The following LIPE variants were observed in gnomAD, a reference collection of about 807,000 sequenced individuals.
The protein encoded by LIPE is lipase E, hormone sensitive type.
Under a neutral mutation model 88.5 loss-of-function variants are expected in LIPE, and 66 were observed. The observed-to-expected ratio is 0.75, with a 90% confidence interval of 0.61 to 0.91. The LOEUF (loss-of-function observed/expected upper bound fraction) is 0.91, where lower values mean the gene tolerates loss of function less well. LIPE is among the 40% of genes least tolerant of loss of function. The pLI, the probability that LIPE is intolerant of heterozygous loss-of-function variation, is 0.00. For synonymous variants in LIPE, 570 were observed against 617.5 expected (o/e 0.92, Z 1.14); for missense variants, 1,346 against 1,434.7 (o/e 0.94, Z 1.00).
chr19:42,408,564 G>GA lies in LIPE; in HGVS notation c.1420-243_1420-242insT. On this transcript the variant is annotated intron_variant, in intron 2 of 9. Coordinates refer to ENST00000244289, the MANE Select transcript of LIPE (RefSeq NM_005357.4). This position sits in a 1 kb window ranked among gnomAD's most constrained non-coding sequence, Gnocchi z 4.3. ...CATGACAAGGAATGACGAATGGTTT[G>GA]GAAAAAAAAAAAGGCAGTAGGTGGA... is the stretch of plus-strand genomic sequence containing the variant. 4.0e-6 allele frequency: 2 copies of GA among 498,586 alleles called. No homozygotes were observed. Among genetic ancestry groups the GA allele is most frequent in the South Asian group, 2.3e-5 (1 of 44,020 alleles). 30.9% of individuals were successfully genotyped at this position (498,586 alleles called of 1,614,324 possible). A position where few individuals can be genotyped will look rare whatever the true frequency, so the allele number is the denominator to read the frequency against.
intron 1 of LIPE, among the ~76,000 whole-genome samples, chr19:42,413,930 A>C (rs1027187355): frequency 1.3e-5 from 2 of 152,182 alleles, no homozygotes; most frequent in Non-Finnish European, 2.9e-5. Context: ...GGGCTGGCAG[A>C]CAGATGGATA....
chr19:42,405,268 G>A (rs1053042847), intron 8 of LIPE, 117 bp downstream of exon 8: 35 of 1,050,634 alleles, frequency 3.3e-5, no homozygotes, highest in Non-Finnish European at 4.6e-5. Context: ...GCCTCCCAAA[G>A]TGCTGGGATT....
intron 9 of LIPE, 27 bp from the exon 10 acceptor site, chr19:42,402,102 A>T: frequency 6.9e-7 from 1 of 1,451,518 alleles, no homozygotes; most frequent in Non-Finnish European, 9.1e-7. Context: ...AGGGACGTGG[A>T]GAGAGGGTGG....
chr19:42,426,039 C>T (rs1162518140), intron 1 of LIPE, among the ~76,000 whole-genome samples: 2 of 150,170 alleles, frequency 1.3e-5, no homozygotes, highest in African/African-American at 2.5e-5. Context: ...TGGCCTCAAG[C>T]AATCCATCTG....
intron 1 of LIPE, chr19:42,424,774 TAA>T: frequency 8.2e-6 from 3 of 366,230 alleles, no homozygotes; most frequent in South Asian, 6.0e-5. Context: ...GTTCCATAGA[TAA>T]AACTTGTATT....
intron 1 of LIPE, among the ~76,000 whole-genome samples, chr19:42,415,765 G>A (rs1035310763): frequency 6.6e-5 from 10 of 151,410 alleles, no homozygotes; most frequent in African/African-American, 1.2e-4. Flanking sequence ...AGCCGAGATC[G>A]CGCCACTGCA....
rs1231529110 is a variant in LIPE at position 42,403,445 on chromosome 19, G to GTTT, written c.2543-417_2543-415dup. Among the ~76,000 whole-genome samples, 425 of 148,186 alleles carry GTTT rather than the reference G, an allele frequency of 2.9e-3. 3 individuals carry two copies. The highest frequency in any genetic ancestry group is 0.01 in the African/African-American group (401 of 39,468). On this transcript the variant is annotated intron_variant, in intron 8 of 9. Transcript: ENST00000244289. ...TACCCACTGGGGATCATAATATATC[G>GTTT]TTTTTTGTTTTTTTTTTTTTGAGAC...
intron 1 of LIPE, chr19:42,423,785 A>AC: frequency 9.1e-7 from 1 of 1,104,238 alleles, no homozygotes; most frequent in South Asian, 2.1e-5. Flanking sequence ...CAAAAAGGCA[A>AC]CCCCGGGGGT....
rs148058163 is a variant in LIPE, at chr19:42,410,551, C to T, written c.1175G>A (p.Arg392His). 1,121 of 1,612,700 alleles carry T rather than the reference C, an allele frequency of 7.0e-4. No individual in the cohort carries two copies. Among genetic ancestry groups the T allele is most frequent in the Non-Finnish European group, 8.9e-4 (1,052 of 1,179,942 alleles). The change falls in exon 2 of 10, where the codon CGC becomes CAC. Residue 392 changes from arginine to histidine, a missense_variant. Physicochemically the swap from Arg to His is conservative, Grantham distance 29. Coordinates refer to ENST00000244289, the MANE Select transcript of LIPE (RefSeq NM_005357.4). The surrounding 1 kb of genome is among the most constrained non-coding windows in gnomAD (Gnocchi z 6.1). Reference sequence around the variant, plus strand: ...GCTGCGGCGGTTGGAGGCCACATAGCGGGATTTGTGCAGGAGGTGCGCCAG... The same window carrying T: ...GCTGCGGCGGTTGGAGGCCACATAGTGGGATTTGTGCAGGAGGTGCGCCAG... ...CCLAHLLHKS[R>H]YVASNRRSIF...
At chr19:42,411,224 C>T in intron 1 of LIPE, 1 of 814,878 alleles carries the variant, frequency 1.2e-6, no homozygotes, top group Non-Finnish European at 1.5e-6. Context: ...TGAATCCGGA[C>T]ATTCCCTGAG....
chr19:42,410,803 G>T lies in LIPE; in HGVS notation c.923C>A (p.Thr308Lys). The change falls in exon 2 of 10, where the codon ACA becomes AAA. Residue 308 changes from threonine to lysine, a missense_variant. Coordinates refer to ENST00000244289, the MANE Select transcript of LIPE (RefSeq NM_005357.4). This position sits in a 1 kb window ranked among gnomAD's most constrained non-coding sequence, Gnocchi z 6.1. ...LIHNMDLRTM[T>K]QSLVTLAEDN... is the part of the protein sequence containing the mutation. ...CTCCGCCAGAGTCACCAGCGACTGT[G>T]TCATTGTGCGCAGGTCCATGTTGTG... 6.3e-7 allele frequency: 1 copy of T among 1,587,580 alleles called. No individual in the cohort carries two copies. The highest frequency in any genetic ancestry group is 8.6e-7 in the Non-Finnish European group (1 of 1,164,410).
Position 42,408,532 on chromosome 19 carries a change from G to A in LIPE, c.1420-210C>T, listed in dbSNP as rs965985236. ...GATCAGCAGATAAGCAAAGCCACGC[G>A]CAGTATCATGACAAGGAATGACGAA... On this transcript the variant is annotated intron_variant, in intron 2 of 9. Transcript: ENST00000244289. This position sits in a 1 kb window ranked among gnomAD's most constrained non-coding sequence, Gnocchi z 4.3. The A allele has an allele frequency of 3.8e-5, 22 of 576,682 alleles. No homozygotes were observed. The highest frequency in any genetic ancestry group is 2.8e-4 in the African/African-American group (15 of 53,144). The allele number at this position is 576,682 out of a possible 1,614,324, so 35.7% of individuals were successfully genotyped here. A position where few individuals can be genotyped will look rare whatever the true frequency, so the allele number is the denominator to read the frequency against.
chr19:42,423,377 A>T, intron 1 of LIPE: 2 of 1,273,384 alleles, frequency 1.6e-6, no homozygotes, highest in South Asian at 2.5e-5. Context: ...CGTAGGATGT[A>T]CGAGGTTCCT....
intron 1 of LIPE, chr19:42,424,750 A>G (rs1202731492): frequency 2.6e-6 from 1 of 390,108 alleles, no homozygotes; most frequent in Non-Finnish European, 5.1e-6. Context: ...GGGGACTTCA[A>G]CAAGTAACCT....
In LIPE at chr19:42,414,307, A is replaced by G. The variant is rs113070474; in HGVS notation, c.884-3465T>C. ...GAAAGAAAGAAAGGAAAGGAAGGAA[A>G]GAAAGAAAGGAAAGAAGAAAAGAAA... is the stretch of plus-strand genomic sequence containing the variant. On this transcript the variant is annotated intron_variant, in intron 1 of 9. Transcript: ENST00000244289. This position sits in a 1 kb window ranked among gnomAD's most constrained non-coding sequence, Gnocchi z 4.6. 7.2e-6 allele frequency among the ~76,000 whole-genome samples: 1 copy of G among 139,858 alleles called. No individual in the cohort carries two copies. The highest frequency in any genetic ancestry group is 3.3e-5 in the African/African-American group (1 of 30,074). 91.8% of individuals were successfully genotyped at this position (139,858 alleles called of 152,430 possible). A position where few individuals can be genotyped will look rare whatever the true frequency, so the allele number is the denominator to read the frequency against.
chr19:42,420,858 C>T (rs916148353), intron 1 of LIPE, among the ~76,000 whole-genome samples: 6 of 152,106 alleles, frequency 3.9e-5, no homozygotes, highest in African/African-American at 1.4e-4. Context: ...CAGGATAAAG[C>T]CCCCAATCCT....
intron 1 of LIPE, among the ~76,000 whole-genome samples, chr19:42,412,831 C>A (rs573245712): frequency 6.6e-6 from 1 of 152,234 alleles, no homozygotes; most frequent in East Asian, 1.9e-4. Context: ...TAGTCTGGCC[C>A]TGGCACAGCC....
chr19:42,402,871 A>C lies in LIPE; in HGVS notation c.2703T>G (p.Leu901=), dbSNP rs1429646674. The change falls in exon 9 of 10, where the codon CTT becomes CTG. Residue 901 remains leucine, a synonymous_variant. Coordinates refer to ENST00000244289, the MANE Select transcript of LIPE (RefSeq NM_005357.4). The part of the protein sequence containing the change: ...TPEMSLSAET[L]SPSTPSDVNF... ...TGACATCGGAGGGTGTGGAGGGGCT[A>C]AGTGTCTCAGCTGACAGCGACATCT... is the stretch of plus-strand genomic sequence containing the variant. 5 of 1,613,558 alleles carry C rather than the reference A, an allele frequency of 3.1e-6. No individual in the cohort carries two copies. The highest frequency in any genetic ancestry group is 3.4e-6 in the Non-Finnish European group (4 of 1,179,908).
Position 42,401,528 on chromosome 19 carries a change from T to G in LIPE, c.*284A>C. The G allele has an allele frequency of 2.3e-6, 1 of 426,140 alleles. No individual in the cohort carries two copies. Among genetic ancestry groups the G allele is most frequent in the Non-Finnish European group, 4.2e-6 (1 of 240,084 alleles). 26.4% of individuals were successfully genotyped at this position (426,140 alleles called of 1,614,324 possible). Reference sequence around the variant, plus strand: ...AGAGGCCAAACTAATTAAATACTTTTATTTACAACAAACCAAACCGACCTG... The same window carrying G: ...AGAGGCCAAACTAATTAAATACTTTGATTTACAACAAACCAAACCGACCTG... On this transcript the variant is annotated 3_prime_UTR_variant, in exon 10 of 10. Coordinates refer to ENST00000244289, the MANE Select transcript of LIPE (RefSeq NM_005357.4).
Sources: allele counts gnomAD v4.1 joint callset (sites outside exome capture counted in the v4.1 genomes callset), GRCh38; gene constraint gnomAD v4.1.1; non-coding constraint Gnocchi (gnomAD v3.1); transcripts MANE v1.5; gene names NCBI Gene and HGNC (gene_info 2026-07-23, HGNC 2026-07-21).